SLC26A7: variants seen among roughly 807,000 people sequenced by gnomAD.
SLC26A7 encodes solute carrier family 26 member 7.
In SLC26A7, 59 loss-of-function variants were observed where a neutral mutation model predicts 82.5. The observed-to-expected ratio is 0.72, with a 90% CI of 0.58 to 0.89. SLC26A7 has a LOEUF of 0.89. Ranked by LOEUF, SLC26A7 falls within the 40% of genes least tolerant of loss-of-function variation. The pLI, the probability that SLC26A7 is intolerant of heterozygous loss-of-function variation, is 0.00. For synonymous variants in SLC26A7, 271 were observed against 274.3 expected (o/e 0.99, Z 0.12); for missense variants, 820 against 793.0 (o/e 1.03, Z -0.41).
intron 4 of SLC26A7, among the ~76,000 whole-genome samples, chr8:91,317,408 T>A (rs944578159): frequency 2.0e-5 from 3 of 152,202 alleles, no homozygotes; most frequent in Non-Finnish European, 4.4e-5. Flanking sequence ...CGGTGCCACA[T>A]ATACAAATAA....
At chr8:91,333,013 T>C (rs1334877972) in intron 5 of SLC26A7, among the ~76,000 whole-genome samples, 1 of 152,156 alleles carries the variant, frequency 6.6e-6, no homozygotes, top group Non-Finnish European at 1.5e-5. Flanking sequence ...AGTTTCCTTA[T>C]ATCAAACATT....
chr8:91,395,275 T>C lies in SLC26A7; in HGVS notation c.*178T>C, dbSNP rs1480880205. ...AAGAACTGCCAACTTTTTTTTCTCA[T>C]TTTTGTTAGTAAGAAGATTCGCTTA... On this transcript the variant is annotated 3_prime_UTR_variant, in exon 19 of 19. Coordinates refer to ENST00000276609, the MANE Select transcript of SLC26A7 (RefSeq NM_052832.4). 5.8e-6 allele frequency: 8 copies of C among 1,387,600 alleles called. No individual in the cohort carries two copies. The Admixed American group carries it at 2.5e-4, about 43-fold the overall frequency. 86.0% of individuals were successfully genotyped at this position (1,387,600 alleles called of 1,614,324 possible). A position where few individuals can be genotyped will look rare whatever the true frequency, so the allele number is the denominator to read the frequency against.
intron 2 of SLC26A7, among the ~76,000 whole-genome samples, chr8:91,283,715 C>T (rs1294898295): frequency 3.9e-5 from 6 of 152,118 alleles, no homozygotes; most frequent in Non-Finnish European, 4.4e-5. Context: ...TCAATATTCA[C>T]GACATCACTC....
Position 91,367,198 on chromosome 8 carries a change from C to T in SLC26A7, c.1626+481C>T, listed in dbSNP as rs373019127. 1.6e-4 allele frequency among the ~76,000 whole-genome samples: 24 copies of T among 152,090 alleles called. 2 individuals carry two copies. The highest frequency in any genetic ancestry group is 1.2e-3 in the East Asian group (6 of 5,160). ...AATTTGTTTGTATTTTTAGTGGAGA[C>T]GGGGTTTCATGGTGTTAGCCAGGAT... On this transcript the variant is annotated intron_variant, in intron 14 of 18. Transcript: ENST00000276609.
chr8:91,363,778 C>T (rs1014149794), intron 13 of SLC26A7, among the ~76,000 whole-genome samples: 1 of 151,996 alleles, frequency 6.6e-6, no homozygotes, highest in South Asian at 2.1e-4. Flanking sequence ...TAGCATGGTA[C>T]CTAGAACTAC....
chr8:91,295,010 A>G (rs1011862931), intron 3 of SLC26A7, among the ~76,000 whole-genome samples: 1 of 152,160 alleles, frequency 6.6e-6, no homozygotes, highest in African/African-American at 2.4e-5. Flanking sequence ...AACAAATAGG[A>G]TTTGCACAGG....
chr8:91,328,354 C>G (rs1467765883), intron 5 of SLC26A7, among the ~76,000 whole-genome samples: 2 of 152,068 alleles, frequency 1.3e-5, no homozygotes, highest in African/African-American at 2.4e-5. Flanking sequence ...TAAAATTTGA[C>G]TATATCAAAG....
At chr8:91,242,172 T>C (rs1034937646) in intron 2 of SLC26A7, among the ~76,000 whole-genome samples, 4 of 152,226 alleles carry the variant, frequency 2.6e-5, no homozygotes. Flanking sequence ...ATGAAGTTTT[T>C]AGACAAACTT....
intron 16 of SLC26A7, among the ~76,000 whole-genome samples, chr8:91,393,349 T>C (rs973706859): frequency 1.3e-5 from 2 of 152,128 alleles, no homozygotes; most frequent in Non-Finnish European, 2.9e-5. Flanking sequence ...GCTTGGATTA[T>C]AGTGAGGTTC....
chr8:91,291,376 A>G (rs1451840209), intron 3 of SLC26A7, among the ~76,000 whole-genome samples: 1 of 152,164 alleles, frequency 6.6e-6, no homozygotes, highest in Non-Finnish European at 1.5e-5. Flanking sequence ...TGATGCAAAA[A>G]AGAGAAAAGC....
At chr8:91,265,260 A>T (rs140252354) in intron 2 of SLC26A7, among the ~76,000 whole-genome samples, 53 of 152,112 alleles carry the variant, frequency 3.5e-4, no homozygotes, top group African/African-American at 1.2e-3. Context: ...CATGGTTTAT[A>T]CTGCAGTTTC....
At position 91,395,885 on chromosome 8, in the gene SLC26A7, G is replaced by T. The variant is rs1040042750; in HGVS notation, c.*788G>T. 8 of 152,010 alleles carry T rather than the reference G, an allele frequency of 5.3e-5. No homozygotes were observed. Among genetic ancestry groups the T allele is most frequent in the Non-Finnish European group, 1.2e-4 (8 of 67,924 alleles). 9.4% of individuals were successfully genotyped at this position (152,010 alleles called of 1,614,324 possible). A position where few individuals can be genotyped will look rare whatever the true frequency, so the allele number is the denominator to read the frequency against. On this transcript the variant is annotated 3_prime_UTR_variant, in exon 19 of 19. Coordinates refer to ENST00000276609, the MANE Select transcript of SLC26A7 (RefSeq NM_052832.4). ...AAGCTTTGTTGGAGAAAGAGAATAT[G>T]AAAATTACACATTTTATAATTTTTA...
chr8:91,352,701 T>G (rs1165348938), intron 10 of SLC26A7, among the ~76,000 whole-genome samples, 200 bp from the exon 11 acceptor site: 1 of 152,072 alleles, frequency 6.6e-6, no homozygotes, highest in Non-Finnish European at 1.5e-5. Flanking sequence ...ACCTTATGAA[T>G]TCTAGAATAT....
intron 5 of SLC26A7, among the ~76,000 whole-genome samples, chr8:91,334,076 A>C (rs940416633): frequency 3.3e-5 from 5 of 152,190 alleles, no homozygotes; most frequent in African/African-American, 1.2e-4. Context: ...AGGAAGGTGC[A>C]AAACCTGAGT....
At chr8:91,394,868 A>G (rs978690058) in intron 18 of SLC26A7, 194 bp from the exon 19 acceptor site, 2 of 794,116 alleles carry the variant, frequency 2.5e-6, no homozygotes, top group African/African-American at 3.5e-5. Flanking sequence ...TGTAAGTGGT[A>G]GAGCTGGTTG....
intron 14 of SLC26A7, among the ~76,000 whole-genome samples, chr8:91,368,276 T>C (rs2130877652): frequency 6.6e-6 from 1 of 152,326 alleles, no homozygotes; most frequent in South Asian, 2.1e-4. Flanking sequence ...CCATTGTCTC[T>C]ATTCTGTGCT....
intron 18 of SLC26A7, chr8:91,394,283 TG>T: frequency 3.1e-6 from 5 of 1,613,056 alleles, no homozygotes; most frequent in Non-Finnish European, 4.2e-6. Flanking sequence ...GAGGATTGGG[TG>T]GTTGCCTATC....
intron 5 of SLC26A7, among the ~76,000 whole-genome samples, chr8:91,318,973 T>A (rs1471502538): frequency 6.6e-6 from 1 of 152,246 alleles, no homozygotes; most frequent in Non-Finnish European, 1.5e-5. Flanking sequence ...GTTTATTTTT[T>A]AAAAAGCCTT....
intron 2 of SLC26A7, among the ~76,000 whole-genome samples, chr8:91,219,608 A>T (rs1459835393): frequency 6.6e-6 from 1 of 152,220 alleles, no homozygotes; most frequent in Non-Finnish European, 1.5e-5. Flanking sequence ...CTTTAAGGAC[A>T]ACAGAAAAGT....
Sources: gnomAD v4.1 joint callset for allele counts (sites outside exome capture counted in the v4.1 genomes callset) on GRCh38, gnomAD v4.1.1 for gene constraint, MANE v1.5 for transcripts, NCBI Gene and HGNC (gene_info 2026-07-23, HGNC 2026-07-21) for gene names.